EPYC: variants seen among roughly 807,000 people sequenced by gnomAD.
EPYC encodes epiphycan, also known as dermatan sulfate proteoglycan 3.
A neutral mutation model predicts 30.1 loss-of-function variants in EPYC; 28 were observed. That is an observed-to-expected ratio of 0.93 (90% CI 0.69 to 1.28). The LOEUF (loss-of-function observed/expected upper bound fraction) is 1.28, where lower values mean the gene tolerates loss of function less well. Among genes scored for constraint, EPYC ranks in the 50% most tolerant of loss-of-function variants. The pLI is 0.00. For missense variants in EPYC, 382 were observed against 383.5 expected (o/e 1.00, Z 0.03); for synonymous variants, 144 against 141.4 (o/e 1.02, Z -0.13).
intron 1 of EPYC, among the ~76,000 whole-genome samples, chr12:91,004,242 C>T (rs1877899236): frequency 6.6e-6 from 1 of 152,030 alleles, no homozygotes; most frequent in African/African-American, 2.4e-5. Flanking sequence ...TTTTTTCTCA[C>T]ATCATACTAT....
At chr12:90,966,882 C>G (rs1876909672) in intron 6 of EPYC, among the ~76,000 whole-genome samples, 1 of 151,948 alleles carries the variant, frequency 6.6e-6, no homozygotes, top group African/African-American at 2.4e-5. Flanking sequence ...TTCTAGAAAT[C>G]TGTTCATTTA....
chr12:90,980,687 G>GA (rs1198243976), intron 2 of EPYC, among the ~76,000 whole-genome samples: 2 of 152,108 alleles, frequency 1.3e-5, no homozygotes, highest in African/African-American at 2.4e-5. Context: ...CAAATGACCA[G>GA]AAAAAAATCC....
intron 2 of EPYC, among the ~76,000 whole-genome samples, chr12:90,980,963 A>G (rs12306517): frequency 0.018 from 2,764 of 152,246 alleles, 85 homozygotes; most frequent in African/African-American, 0.062. Flanking sequence ...TCTTCTTAAC[A>G]TCGTACCAGC....
At chr12:90,971,773 A>T (rs1565870797) in intron 5 of EPYC, 27 bp downstream of exon 5, 6 of 1,411,958 alleles carry the variant, frequency 4.2e-6, no homozygotes, top group Non-Finnish European at 4.8e-6. Context: ...GGAAGATAAA[A>T]GTCTGCATAT....
intron 2 of EPYC, among the ~76,000 whole-genome samples, chr12:90,985,562 A>C (rs1034549024): frequency 2.0e-5 from 3 of 152,180 alleles, no homozygotes; most frequent in Non-Finnish European, 2.9e-5. Flanking sequence ...GCTCTCAGAC[A>C]AACAAACCTT....
chr12:90,989,506 T>C (rs369194020), intron 2 of EPYC, among the ~76,000 whole-genome samples: 7 of 152,118 alleles, frequency 4.6e-5, no homozygotes, highest in African/African-American at 1.7e-4. Context: ...GTTTAGAACA[T>C]GTACATGCTT....
intron 2 of EPYC, among the ~76,000 whole-genome samples, chr12:90,994,474 C>A (rs1877654610): frequency 6.6e-6 from 1 of 152,128 alleles, no homozygotes; most frequent in African/African-American, 2.4e-5. Context: ...TGTGACAGAC[C>A]TGGCACTTAC....
intron 2 of EPYC, among the ~76,000 whole-genome samples, chr12:91,001,668 G>A (rs182703755): frequency 2.0e-5 from 3 of 152,216 alleles, no homozygotes; most frequent in Non-Finnish European, 4.4e-5. Context: ...CTACAGTGGA[G>A]TTCCAAACTA....
intron 5 of EPYC, among the ~76,000 whole-genome samples, chr12:90,971,405 C>G (rs1405652316): frequency 6.6e-6 from 1 of 152,102 alleles, no homozygotes; most frequent in African/African-American, 2.4e-5. Context: ...CATAGTGACT[C>G]ACACCTATAA....
intron 2 of EPYC, among the ~76,000 whole-genome samples, chr12:91,002,034 A>G (rs1877838529): frequency 6.6e-6 from 1 of 151,698 alleles, no homozygotes; most frequent in African/African-American, 2.4e-5. Context: ...TAAAAATACA[A>G]AAATTAGCTG....
Position 90,971,891 on chromosome 12 carries a change from C to T in EPYC, c.611G>A (p.Arg204Lys). Residue 204 changes from arginine to lysine, a missense_variant, in exon 5 of 7, where the codon AGG (arginine) becomes AAG (lysine). Arg to Lys is a conservative substitution (Grantham distance 26). Coordinates refer to ENST00000261172, the MANE Select transcript of EPYC (RefSeq NM_004950.5). Reference protein sequence around the residue: ...RELVLRDNKIRQLPELPTTLT... With the variant: ...RELVLRDNKIKQLPELPTTLT... ...AGTGGTTGGCAATTCTGGGAGCTGC[C>T]TTATTTTGTTGTCACGCAGGACAAG... 1 of 1,611,758 alleles carries T rather than the reference C, an allele frequency of 6.2e-7. No individual in the cohort carries two copies. The highest frequency in any genetic ancestry group is 8.5e-7 in the Non-Finnish European group (1 of 1,179,042).
intron 2 of EPYC, among the ~76,000 whole-genome samples, chr12:90,984,814 G>C (rs371458487): frequency 1.3e-5 from 2 of 151,858 alleles, no homozygotes; most frequent in Admixed American, 6.6e-5. Context: ...AAAAACCCCC[G>C]GGCTATCGGT....
At chr12:90,984,644 A>G (rs908671813) in intron 2 of EPYC, among the ~76,000 whole-genome samples, 1 of 152,088 alleles carries the variant, frequency 6.6e-6, no homozygotes, top group African/African-American at 2.4e-5. Context: ...ACTGAAGGAG[A>G]ATCCACAACT....
chr12:90,993,855 C>G (rs548133719), intron 2 of EPYC, among the ~76,000 whole-genome samples: 1 of 151,770 alleles, frequency 6.6e-6, no homozygotes, highest in East Asian at 1.9e-4. Flanking sequence ...ATGTAAGTAA[C>G]CTTAAATACT....
chr12:91,002,531 A>T lies in EPYC; in HGVS notation c.35T>A (p.Val12Asp). 1 of 1,613,030 alleles carries T rather than the reference A, an allele frequency of 6.2e-7. No homozygotes were observed. ...KTLAGLVLGL[V>D]IFDAAVTAPT... ...GGCAGTCACAGCAGCATCAAAGATG[A>T]CAAGTCCCAGAACAAGTCCTGCTAA... The change falls in exon 2 of 7, where the codon GTC becomes GAC. Residue 12 changes from valine (V) to aspartate (D), a missense_variant. Transcript: ENST00000261172.
At chr12:91,002,189 CAAAAAAAAA>C (rs34987645) in intron 2 of EPYC, among the ~76,000 whole-genome samples, 2 of 73,458 alleles carry the variant, frequency 2.7e-5, no homozygotes, top group Non-Finnish European at 4.8e-5. Context: ...GACACTGTCT[CAAAAAAAAA>C]AAAAAAAAAA....
In EPYC at chr12:90,972,887, G is replaced by C; in HGVS notation, c.434C>G (p.Thr145Ser). The C allele has an allele frequency of 5.0e-6, 8 of 1,613,626 alleles. No individual in the cohort carries two copies. The highest frequency in any genetic ancestry group is 6.8e-6 in the Non-Finnish European group (8 of 1,179,618). ...LDAIPPLPKN[T>S]AYFYSRFNRI... ...GTTAAAGCGGGAATAGAAATAAGCG[G>C]TGTTCTTTGGCAGCGGAGGAATAGC... is the stretch of plus-strand genomic sequence containing the variant. Residue 145 changes from threonine (T) to serine (S), a missense_variant, in exon 4 of 7, where the codon ACC becomes AGC. By Grantham distance (58) the Thr-to-Ser change is moderately conservative. Transcript: ENST00000261172.
At chr12:90,975,639 G>A (rs1877162142) in intron 3 of EPYC, among the ~76,000 whole-genome samples, 1 of 152,020 alleles carries the variant, frequency 6.6e-6, no homozygotes, top group Admixed American at 6.6e-5. Context: ...TGGGCATTCT[G>A]CTTTTCTGTT....
At chr12:90,964,432 T>C (rs1351152474) in intron 6 of EPYC, 106 bp from the exon 7 acceptor site, 15 of 792,640 alleles carry the variant, frequency 1.9e-5, no homozygotes, top group Admixed American at 1.5e-4. Flanking sequence ...TTTGTTATTT[T>C]CCTCAATCAA....
Sources: gnomAD v4.1 joint callset for allele counts (sites outside exome capture counted in the v4.1 genomes callset) on GRCh38, gnomAD v4.1.1 for gene constraint, MANE v1.5 for transcripts, NCBI Gene and HGNC (gene_info 2026-07-23, HGNC 2026-07-21) for gene names.